CDH23: variants seen among roughly 807,000 people sequenced by gnomAD.
CDH23 encodes cadherin related 23, also known as cadherin-23.
CDH23 carries 189 observed loss-of-function variants against 317.1 expected under a neutral mutation model. That is an observed-to-expected ratio of 0.60 (90% CI 0.53 to 0.67). The LOEUF (loss-of-function observed/expected upper bound fraction) is 0.67. CDH23 is among the 30% of genes least tolerant of loss of function. The probability of loss-of-function intolerance (pLI) is 0.00; values close to 1 mark genes in which losing one functional copy is unlikely to be tolerated. For synonymous variants in CDH23, 1,839 were observed against 1,876.8 expected (o/e 0.98, Z 0.52); for missense variants, 4,401 against 4,592.4 (o/e 0.96, Z 1.20).
intron 11 of CDH23, among the ~76,000 whole-genome samples, chr10:71,622,402 C>T (rs947707423): frequency 4.6e-5 from 7 of 152,038 alleles, no homozygotes; most frequent in African/African-American, 7.3e-5. Flanking sequence ...CAGTTTGTTG[C>T]GCGGGTTGGA....
chr10:71,731,881 T>C, intron 31 of CDH23, 106 bp from the exon 32 acceptor site: 2 of 1,236,332 alleles, frequency 1.6e-6, no homozygotes, highest in Non-Finnish European at 2.2e-6. Flanking sequence ...GGGCAGCCCA[T>C]GCTGGGTGGG....
chr10:71,466,878 GTGT>G (rs1851280411), intron 3 of CDH23, among the ~76,000 whole-genome samples: 1 of 151,198 alleles, frequency 6.6e-6, no homozygotes, highest in Non-Finnish European at 1.5e-5. Flanking sequence ...CATGAGGGGT[GTGT>G]GTGTGTGTGT....
At chr10:71,607,889 C>T (rs1196642314) in intron 9 of CDH23, among the ~76,000 whole-genome samples, 1 of 152,076 alleles carries the variant, frequency 6.6e-6, no homozygotes, top group Admixed American at 6.6e-5. Flanking sequence ...GGTGATAGAA[C>T]AAAACTCTGT....
intron 9 of CDH23, among the ~76,000 whole-genome samples, chr10:71,581,508 G>C (rs1041690758): frequency 2.0e-5 from 3 of 152,246 alleles, no homozygotes; most frequent in Admixed American, 2.0e-4. Context: ...CTGTTTATCA[G>C]CCCCGCAGCT....
chr10:71,690,942 G>A (rs780362427), intron 20 of CDH23, among the ~76,000 whole-genome samples: 29 of 152,156 alleles, frequency 1.9e-4, no homozygotes, highest in Non-Finnish European at 3.5e-4. Context: ...TTAAAGCCTG[G>A]CTCCTCTTCT....
intron 28 of CDH23, chr10:71,717,452 G>A (rs887379993): frequency 6.6e-6 from 1 of 152,266 alleles, no homozygotes; most frequent in Non-Finnish European, 1.5e-5. Flanking sequence ...AACCCCCCAG[G>A]GACATCATAC....
rs368924536 is a variant in CDH23, at chr10:71,669,609, G to A, written c.1450-5503G>A. Among the ~76,000 whole-genome samples, 8 of 152,176 alleles carry A rather than the reference G, an allele frequency of 5.3e-5. No homozygotes were observed. In the South Asian group the frequency reaches 1.2e-3, roughly 24 times the overall value. ...ATTACAGGCATGTGCCACTATGTCC[G>A]GCTAATTTTTGTATTTTTAATAGAG... On this transcript the variant is annotated intron_variant, in intron 14 of 69. Transcript: ENST00000224721.
intron 41 of CDH23, among the ~76,000 whole-genome samples, chr10:71,782,608 GC>G (rs1840986694): frequency 1.3e-5 from 2 of 152,224 alleles, no homozygotes; most frequent in Non-Finnish European, 2.9e-5. Flanking sequence ...GGGGAACTAG[GC>G]TGGCCCAGCC....
At chr10:71,632,690 C>A (rs1252987820) in intron 11 of CDH23, among the ~76,000 whole-genome samples, 1 of 152,106 alleles carries the variant, frequency 6.6e-6, no homozygotes, top group Non-Finnish European at 1.5e-5. Context: ...GTGCAGCGGC[C>A]AGGTTCCATC....
intron 3 of CDH23, among the ~76,000 whole-genome samples, chr10:71,461,304 C>T (rs932204017): frequency 1.3e-5 from 2 of 152,160 alleles, no homozygotes; most frequent in South Asian, 2.1e-4. Context: ...CTTTCTCCCT[C>T]GGAGTCCCCT....
intron 68 of CDH23, 135 bp downstream of exon 68, chr10:71,813,025 G>A (rs1222938343): frequency 4.9e-6 from 7 of 1,419,562 alleles, no homozygotes; most frequent in Middle Eastern, 2.4e-4. Flanking sequence ...CAGGGCTGAT[G>A]GGGGGCTACT....
At chr10:71,799,332 G>A in intron 51 of CDH23, 52 bp downstream of exon 51, 2 of 1,611,660 alleles carry the variant, frequency 1.2e-6, no homozygotes, top group Middle Eastern at 1.7e-4. Flanking sequence ...ATTCCTTGGG[G>A]TCTTTGGGCA....
chr10:71,536,658 A>G (rs796874576), intron 6 of CDH23, among the ~76,000 whole-genome samples: 61 of 152,272 alleles, frequency 4.0e-4, no homozygotes, highest in African/African-American at 1.3e-3. Flanking sequence ...GACAATGGAA[A>G]TCCATTGCTG....
At chr10:71,617,917 G>T (rs1454670468) in intron 11 of CDH23, among the ~76,000 whole-genome samples, 1 of 151,974 alleles carries the variant, frequency 6.6e-6, no homozygotes, top group African/African-American at 2.4e-5. Context: ...GCTTGAAGCT[G>T]GGAGGTGGAG....
chr10:71,726,590 CT>C (rs1866822951), intron 30 of CDH23, among the ~76,000 whole-genome samples: 1 of 152,234 alleles, frequency 6.6e-6, no homozygotes, highest in Admixed American at 6.5e-5. Flanking sequence ...GTCAGATCCC[CT>C]GGTTCTTACA....
chr10:71,464,472 C>T (rs1476456467), intron 3 of CDH23, among the ~76,000 whole-genome samples: 1 of 152,194 alleles, frequency 6.6e-6, no homozygotes, highest in Non-Finnish European at 1.5e-5. Flanking sequence ...AGTCATTCCC[C>T]CACTGGTCCT....
chr10:71,811,548 C>T lies in CDH23; in HGVS notation c.9236C>T (p.Ala3079Val), dbSNP rs1180008778. 6.2e-7 allele frequency: 1 copy of T among 1,613,958 alleles called. No individual in the cohort carries two copies. The highest frequency in any genetic ancestry group is 8.5e-7 in the Non-Finnish European group (1 of 1,179,886). The change falls in exon 64 of 70, where the codon GCC (alanine) becomes GTC (valine). Residue 3079 changes from alanine (A) to valine (V), a missense_variant. Ala to Val is a moderately conservative substitution (Grantham distance 64, BLOSUM62 0). Transcript: ENST00000224721. ...GTCCTGGCTATCCTCCTGTTCCTGG[C>T]CGCCATGCTCTTTGTCCTCATGAAC... is the stretch of plus-strand genomic sequence containing the variant. ...IIVLAILLFL[A>V]AMLFVLMNWY... is the part of the protein sequence containing the mutation.
intron 9 of CDH23, among the ~76,000 whole-genome samples, chr10:71,601,962 G>GGC (rs994061722): frequency 2.3e-4 from 9 of 38,770 alleles, no homozygotes; most frequent in African/African-American, 7.2e-4. Flanking sequence ...GGGCGGCGGA[G>GGC]GGGGGGGGGC....
At chr10:71,764,182 C>T (rs375542857) in intron 38 of CDH23, among the ~76,000 whole-genome samples, 2 of 152,174 alleles carry the variant, frequency 1.3e-5, no homozygotes, top group Admixed American at 6.5e-5. Flanking sequence ...CTTCAGGTAA[C>T]GCAGGATCTA....
Sources: allele counts gnomAD v4.1 joint callset (sites outside exome capture counted in the v4.1 genomes callset), GRCh38; gene constraint gnomAD v4.1.1; transcripts MANE v1.5; gene names NCBI Gene and HGNC (gene_info 2026-07-23, HGNC 2026-07-21).